The following ETV5 variants were observed in gnomAD, a reference collection of about 807,000 sequenced individuals.
ETV5 encodes the protein ETS variant transcription factor 5, also known as ETS translocation variant 5.
In ETV5, 10 loss-of-function variants were observed where a neutral mutation model predicts 70.0. That is an observed-to-expected ratio of 0.14 (90% CI 0.09 to 0.24). ETV5 has a LOEUF of 0.24. Among genes scored for constraint, ETV5 ranks in the 10% least tolerant of loss-of-function variants. The probability of loss-of-function intolerance (pLI) is 1.00; values close to 1 mark genes in which losing one functional copy is unlikely to be tolerated. For synonymous variants in ETV5, 216 were observed against 242.2 expected, an observed-to-expected ratio of 0.89 and a Z score of 1.01; for missense variants, 453 against 651.2, an observed-to-expected ratio of 0.70 and a Z score of 3.31.
chr3:186,088,472 C>T (rs1031481660), intron 5 of ETV5, among the ~76,000 whole-genome samples: 2 of 152,206 alleles, frequency 1.3e-5, no homozygotes, highest in African/African-American at 4.8e-5. Flanking sequence ...TGGGTCACTG[C>T]TCCTCTCTGT....
At chr3:186,106,804 G>T in intron 1 of ETV5, 1 of 283,394 alleles carries the variant, frequency 3.5e-6, no homozygotes, top group Non-Finnish European at 5.3e-6. Context: ...AAAGGGTGGG[G>T]TTAGAAGGGA....
chr3:186,097,537 C>T (rs1714334068), intron 5 of ETV5, among the ~76,000 whole-genome samples: 1 of 152,140 alleles, frequency 6.6e-6, no homozygotes, highest in Non-Finnish European at 1.5e-5. Flanking sequence ...CAACACCTCC[C>T]TCTCCAGGGG....
chr3:186,057,009 C>G lies in ETV5; in HGVS notation c.1209+66G>C. 1 of 1,568,682 alleles carries G rather than the reference C, an allele frequency of 6.4e-7. No individual in the cohort carries two copies. Among genetic ancestry groups the G allele is most frequent in the Non-Finnish European group, 8.7e-7 (1 of 1,150,786 alleles). On this transcript the variant is annotated intron_variant, in intron 11 of 12. Coordinates refer to ENST00000306376, the MANE Select transcript of ETV5 (RefSeq NM_004454.3). The surrounding 1 kb of genome is among the most constrained non-coding windows in gnomAD (Gnocchi z 4.9). ...TGACACAAAAAGCCTCAATGGAAAT[C>G]TAAACAAAAAACATCATCAACAACA...
intron 5 of ETV5, among the ~76,000 whole-genome samples, chr3:186,098,863 C>T (rs916382144): frequency 9.9e-5 from 15 of 152,250 alleles, no homozygotes; most frequent in Middle Eastern, 6.8e-3. Context: ...TCACTGCCTG[C>T]CCTCATGTCC....
At chr3:186,056,407 TTTTTATTTTC>T (rs990429994) in intron 11 of ETV5, among the ~76,000 whole-genome samples, 1 of 152,160 alleles carries the variant, frequency 6.6e-6, no homozygotes, top group Non-Finnish European at 1.5e-5. Context: ...TTTTTTATTA[TTTTTATTTTC>T]TTTTATTTTT....
At chr3:186,096,464 A>G (rs1714305697) in intron 5 of ETV5, among the ~76,000 whole-genome samples, 1 of 152,166 alleles carries the variant, frequency 6.6e-6, no homozygotes, top group Admixed American at 6.5e-5. Context: ...AGTCCTTTTC[A>G]GCCCCTCTGG....
chr3:186,094,363 T>C (rs1276448891), intron 5 of ETV5, among the ~76,000 whole-genome samples: 2 of 152,204 alleles, frequency 1.3e-5, no homozygotes, highest in African/African-American at 4.8e-5. Flanking sequence ...AAATTGCCTC[T>C]TGCAGACAGT....
Position 186,048,685 on chromosome 3 carries a change from A to G in ETV5, c.1487T>C (p.Met496Thr). 6.2e-7 allele frequency: 1 copy of G among 1,614,168 alleles called. No homozygotes were observed. Among genetic ancestry groups the G allele is most frequent in the Non-Finnish European group, 8.5e-7 (1 of 1,180,016 alleles). ...FEDSPAYLLD[M>T]DRCSSLPYAE... The stretch of plus-strand genomic sequence containing the variant: ...ATAGGGGAGGCTGCTGCAGCGGTCC[A>G]TGTCCAGGAGGTAAGCGGGGCTGTC... The change falls in exon 13 of 13, where the codon ATG becomes ACG. Residue 496 changes from methionine to threonine, a missense_variant. Around this residue, in one of 4 missense-constraint regions of ETV5, gnomAD observed 74 missense variants for 95.2 expected, o/e 0.78. Transcript: ENST00000306376.
rs568159535 is a variant in ETV5, at chr3:186,104,930, C to T, written c.232+375G>A. ...CTAATTTTTGTATTTTTAGTAGAGA[C>T]GGGGTTTCACCATATTGGCCAGGCT... On this transcript the variant is annotated intron_variant, in intron 5 of 12. Coordinates refer to ENST00000306376, the MANE Select transcript of ETV5 (RefSeq NM_004454.3). 465 of 158,812 alleles carry T rather than the reference C, an allele frequency of 2.9e-3. 4 individuals carry two copies. The highest frequency in any genetic ancestry group is 9.7e-3 in the African/African-American group (402 of 41,516). 9.8% of individuals were successfully genotyped at this position (158,812 alleles called of 1,614,324 possible).
chr3:186,079,020 G>A, intron 7 of ETV5: 1 of 1,058,992 alleles, frequency 9.4e-7, no homozygotes, highest in East Asian at 5.0e-5. Flanking sequence ...AAGATAGATA[G>A]ATATGAAATA....
intron 5 of ETV5, among the ~76,000 whole-genome samples, chr3:186,102,966 C>A (rs1390824734): frequency 6.6e-6 from 1 of 152,170 alleles, no homozygotes; most frequent in Non-Finnish European, 1.5e-5. Context: ...CAAAGATGCA[C>A]CACCCACATT....
chr3:186,075,952 G>A (rs1052101696), intron 7 of ETV5, among the ~76,000 whole-genome samples: 1 of 152,086 alleles, frequency 6.6e-6, no homozygotes, highest in Non-Finnish European at 1.5e-5. Context: ...AATGAGATAC[G>A]GTTTAATAAA....
chr3:186,078,991 A>C, intron 7 of ETV5: 2 of 996,806 alleles, frequency 2.0e-6, no homozygotes, highest in Non-Finnish European at 2.4e-6. Context: ...TGTGGCCCCC[A>C]CACCGATCCA....
chr3:186,073,871 C>T (rs183352602), intron 7 of ETV5, among the ~76,000 whole-genome samples: 2 of 152,256 alleles, frequency 1.3e-5, no homozygotes. Context: ...CATGTACAGT[C>T]ACCCCAGCCT....
At position 186,054,108 on chromosome 3, in the gene ETV5, T is replaced by C. The variant is rs1713100183; in HGVS notation, c.1210-1977A>G. Among the ~76,000 whole-genome samples the C allele has an allele frequency of 1.3e-5, 2 of 152,182 alleles. No individual in the cohort carries two copies. Among genetic ancestry groups the C allele is most frequent in the Non-Finnish European group, 2.9e-5 (2 of 68,026 alleles). On this transcript the variant is annotated intron_variant, in intron 11 of 12. Coordinates refer to ENST00000306376, the MANE Select transcript of ETV5 (RefSeq NM_004454.3). This position sits in a 1 kb window ranked among gnomAD's most constrained non-coding sequence, Gnocchi z 4.4. ...TCTGGTAGCCATAGTTACTGACTCA[T>C]CCTCCCGGGCCAGAGCCCTGTGATT...
intron 6 of ETV5, 145 bp downstream of exon 6, chr3:186,080,901 C>G (rs537569845): frequency 2.1e-6 from 2 of 962,094 alleles, no homozygotes; most frequent in Non-Finnish European, 3.0e-6. Context: ...TGGACTACAC[C>G]CGGAGGATGA....
chr3:186,051,553 A>G (rs1347502404), intron 12 of ETV5, among the ~76,000 whole-genome samples: 1 of 152,216 alleles, frequency 6.6e-6, no homozygotes, highest in African/African-American at 2.4e-5. Flanking sequence ...CTTGAGTTCC[A>G]GTTTCTGTAA....
In ETV5 at chr3:186,105,236, T is replaced by C. The variant is rs1714559943; in HGVS notation, c.232+69A>G. 4.4e-6 allele frequency: 6 copies of C among 1,369,994 alleles called. No individual in the cohort carries two copies. In the South Asian group the frequency reaches 6.3e-5, roughly 14 times the overall value. 84.9% of individuals were successfully genotyped at this position (1,369,994 alleles called of 1,614,324 possible). ...TCTGGCCATAGCTGAAAAAAGCATA[T>C]TCTAGACATGGATGATCTAAGACCA... On this transcript the variant is annotated intron_variant, in intron 5 of 12. Coordinates refer to ENST00000306376, the MANE Select transcript of ETV5 (RefSeq NM_004454.3). The surrounding 1 kb of genome is among the most constrained non-coding windows in gnomAD (Gnocchi z 4.5).
chr3:186,068,289 A>T (rs1446043405), intron 7 of ETV5, among the ~76,000 whole-genome samples: 1 of 152,256 alleles, frequency 6.6e-6, no homozygotes, highest in Non-Finnish European at 1.5e-5. Context: ...TATTTTTGAC[A>T]TATTAAGGAA....
Sources: gnomAD v4.1 joint callset for allele counts (sites outside exome capture counted in the v4.1 genomes callset) on GRCh38, gnomAD v4.1.1 for gene constraint, gnomAD v4.1.1 regional missense constraint, Gnocchi (gnomAD v3.1) non-coding constraint, MANE v1.5 for transcripts, NCBI Gene and HGNC (gene_info 2026-07-23, HGNC 2026-07-21) for gene names.